Variants in ARHGAP28 observed in about 807,000 individuals in gnomAD.
The protein encoded by ARHGAP28 is Rho GTPase activating protein 28.
Under a neutral mutation model 90.7 loss-of-function variants are expected in ARHGAP28, and 56 were observed. The observed-to-expected ratio is 0.62, with a 90% CI of 0.50 to 0.77. The LOEUF is 0.77. Ranked by LOEUF, ARHGAP28 falls within the 30% of genes least tolerant of loss-of-function variation. ARHGAP28 has a pLI of 0.00. For missense variants in ARHGAP28, 869 were observed against 900.9 expected (o/e 0.96, Z 0.45); for synonymous variants, 308 against 323.3 (o/e 0.95, Z 0.51).
intron 2 of ARHGAP28, among the ~76,000 whole-genome samples, chr18:6,828,114 C>G (rs967066969): frequency 1.3e-5 from 2 of 152,146 alleles, no homozygotes; most frequent in Non-Finnish European, 2.9e-5. Flanking sequence ...CTTGGGAGGC[C>G]GAGGCTGGCA....
chr18:6,853,341 C>T (rs2056925076), intron 4 of ARHGAP28, among the ~76,000 whole-genome samples: 1 of 152,120 alleles, frequency 6.6e-6, no homozygotes, highest in Non-Finnish European at 1.5e-5. Context: ...GTCTGATAAA[C>T]ATTTATGGTC....
chr18:6,820,956 A>G (rs1163970407), intron 1 of ARHGAP28, among the ~76,000 whole-genome samples: 1 of 152,228 alleles, frequency 6.6e-6, no homozygotes, highest in Admixed American at 6.5e-5. Context: ...ACAGATATGT[A>G]GGGAGGAATG....
chr18:6,864,682 A>T (rs1043460745), intron 5 of ARHGAP28, among the ~76,000 whole-genome samples: 1 of 151,854 alleles, frequency 6.6e-6, no homozygotes, highest in Non-Finnish European at 1.5e-5. Flanking sequence ...AAACTTTATT[A>T]TTATTTATTT....
intron 1 of ARHGAP28, among the ~76,000 whole-genome samples, chr18:6,747,907 G>A (rs1277746341): frequency 1.3e-5 from 2 of 152,214 alleles, no homozygotes; most frequent in African/African-American, 4.8e-5. Context: ...ATCCAGTGTT[G>A]TGCACCAAAG....
chr18:6,834,707 C>G (rs558665321), intron 2 of ARHGAP28, among the ~76,000 whole-genome samples: 1 of 152,140 alleles, frequency 6.6e-6, no homozygotes, highest in Admixed American at 6.5e-5. Context: ...ACCAGGGTCA[C>G]GGCAGAAGAG....
At chr18:6,780,755 C>T (rs1050914555) in intron 1 of ARHGAP28, among the ~76,000 whole-genome samples, 2 of 151,860 alleles carry the variant, frequency 1.3e-5, no homozygotes, top group African/African-American at 2.4e-5. Flanking sequence ...CAGGCATGGT[C>T]GTGGCAGGCG....
chr18:6,835,245 C>T (rs1458701318), intron 2 of ARHGAP28, among the ~76,000 whole-genome samples: 1 of 152,060 alleles, frequency 6.6e-6, no homozygotes, highest in Admixed American at 6.5e-5. Context: ...AGGGGAAAAA[C>T]AACTTTTTAA....
chr18:6,807,061 T>A (rs1342456120), intron 1 of ARHGAP28, among the ~76,000 whole-genome samples: 2 of 152,170 alleles, frequency 1.3e-5, no homozygotes, highest in Non-Finnish European at 2.9e-5. Context: ...TCAAATAAGT[T>A]GATTACGGTG....
At chr18:6,852,074 T>C (rs1412896250) in intron 4 of ARHGAP28, among the ~76,000 whole-genome samples, 1 of 152,208 alleles carries the variant, frequency 6.6e-6, no homozygotes, top group African/African-American at 2.4e-5. Flanking sequence ...TATATCTCAA[T>C]AATCCTGTTT....
At chr18:6,911,239 A>G (rs1032726879) in intron 17 of ARHGAP28, among the ~76,000 whole-genome samples, 3 of 152,158 alleles carry the variant, frequency 2.0e-5, no homozygotes, top group African/African-American at 4.8e-5. Context: ...AGTTGTTACC[A>G]TTTTGGGATT....
intron 17 of ARHGAP28, among the ~76,000 whole-genome samples, chr18:6,909,250 C>CT (rs371825988): frequency 3.4e-5 from 2 of 58,844 alleles, no homozygotes; most frequent in African/African-American, 9.5e-5. Flanking sequence ...AGGCTTGGGT[C>CT]TTTTCTTTTC....
intron 1 of ARHGAP28, among the ~76,000 whole-genome samples, chr18:6,802,534 C>CG: frequency 6.6e-6 from 1 of 151,586 alleles, no homozygotes; most frequent in South Asian, 2.1e-4. Context: ...TTAATAGAGA[C>CG]GGGGTTTCAC....
intron 1 of ARHGAP28, among the ~76,000 whole-genome samples, chr18:6,769,394 T>A (rs1302394392): frequency 6.6e-6 from 1 of 152,234 alleles, no homozygotes; most frequent in Admixed American, 6.5e-5. Context: ...TTTATGGATG[T>A]GAATTTTCTT....
In ARHGAP28 at chr18:6,912,223, A is replaced by G; in HGVS notation, c.*69A>G. 1.1e-6 allele frequency: 1 copy of G among 898,742 alleles called. No individual in the cohort carries two copies. Among genetic ancestry groups the G allele is most frequent in the Non-Finnish European group, 1.7e-6 (1 of 580,090 alleles). 55.7% of individuals were successfully genotyped at this position (898,742 alleles called of 1,614,324 possible). A position where few individuals can be genotyped will look rare whatever the true frequency, so the allele number is the denominator to read the frequency against. ...GATCCTACATTTTGGTAGGGAAAAA[A>G]CAACACTGTGTTTGACGTATTTGTT... On this transcript the variant is annotated 3_prime_UTR_variant, in exon 18 of 18. Transcript: ENST00000383472.
intron 9 of ARHGAP28, among the ~76,000 whole-genome samples, chr18:6,874,292 C>T (rs2057114039): frequency 1.3e-5 from 2 of 152,158 alleles, no homozygotes; most frequent in South Asian, 2.1e-4. Flanking sequence ...CAGCATGTTC[C>T]AGTCATTTTC....
intron 4 of ARHGAP28, among the ~76,000 whole-genome samples, chr18:6,851,977 G>T (rs2056914106): frequency 1.3e-5 from 2 of 152,086 alleles, no homozygotes; most frequent in South Asian, 4.2e-4. Flanking sequence ...CTTGACTGTG[G>T]TGATGGTTTC....
At chr18:6,733,306 C>T (rs925227710) in intron 1 of ARHGAP28, among the ~76,000 whole-genome samples, 5 of 151,948 alleles carry the variant, frequency 3.3e-5, no homozygotes, top group Non-Finnish European at 7.4e-5. Flanking sequence ...TCCATCTTGT[C>T]CTGTTCTGTT....
At chr18:6,845,894 A>G (rs1248976884) in intron 3 of ARHGAP28, among the ~76,000 whole-genome samples, 1 of 152,216 alleles carries the variant, frequency 6.6e-6, no homozygotes. Flanking sequence ...CAGGAAGTGA[A>G]CACATTACAT....
intron 1 of ARHGAP28, among the ~76,000 whole-genome samples, chr18:6,774,997 G>A (rs1442907730): frequency 1.3e-5 from 2 of 152,198 alleles, no homozygotes; most frequent in South Asian, 2.1e-4. Context: ...GACCTAATTA[G>A]TCTGATCAAT....
Sources: allele counts gnomAD v4.1 joint callset (sites outside exome capture counted in the v4.1 genomes callset), GRCh38; gene constraint gnomAD v4.1.1; transcripts MANE v1.5; gene names NCBI Gene and HGNC (gene_info 2026-07-23, HGNC 2026-07-21).